The following ASTN2 variants were observed in gnomAD, a reference collection of about 807,000 sequenced individuals.
ASTN2 encodes the protein astrotactin-2.
A neutral mutation model predicts 139.8 loss-of-function variants in ASTN2; 54 were observed. The observed-to-expected ratio is 0.39, with a 90% CI of 0.31 to 0.48. The LOEUF (loss-of-function observed/expected upper bound fraction) is 0.48. ASTN2 is among the 20% of genes least tolerant of loss of function. The pLI is 0.95. For synonymous variants in ASTN2, 756 were observed against 719.5 expected, an observed-to-expected ratio of 1.05 and a Z score of -0.81; for missense variants, 1,565 against 1,725.1, an observed-to-expected ratio of 0.91 and a Z score of 1.64.
Position 116,450,246 on chromosome 9 carries a change from A to G in ASTN2, c.3498-7693T>C, listed in dbSNP as rs150136964. ...ATGGCTGCTTTCACACTACAATGGCAGAATCACGTAATTGTGACAGAAATC... is the reference window on the plus strand; with the variant it reads ...ATGGCTGCTTTCACACTACAATGGCGGAATCACGTAATTGTGACAGAAATC... On this transcript the variant is annotated intron_variant, in intron 20 of 22. Coordinates refer to ENST00000313400, the MANE Select transcript of ASTN2 (RefSeq NM_001365068.1). 1.9e-4 allele frequency among the ~76,000 whole-genome samples: 29 copies of G among 152,330 alleles called. 1 individual carries two copies. The East Asian group carries it at 5.6e-3, about 29-fold the overall frequency.
chr9:116,629,502 A>G (rs1856631368), intron 17 of ASTN2, among the ~76,000 whole-genome samples: 1 of 152,192 alleles, frequency 6.6e-6, no homozygotes, highest in Admixed American at 6.5e-5. Flanking sequence ...AGTAGGGCAG[A>G]GGGTCTATTT....
intron 19 of ASTN2, among the ~76,000 whole-genome samples, chr9:116,543,370 T>C (rs1036242313): frequency 6.6e-6 from 1 of 150,904 alleles, no homozygotes; most frequent in Non-Finnish European, 1.5e-5. Flanking sequence ...CTAGGGAGGC[T>C]GAGGCTGCAA....
intron 1 of ASTN2, among the ~76,000 whole-genome samples, chr9:117,365,496 CA>C (rs529352867): frequency 1.5e-4 from 23 of 152,060 alleles, no homozygotes; most frequent in Admixed American, 1.4e-3. Context: ...ATGGGGCAGA[CA>C]ATATCTGAAA....
chr9:116,578,414 A>C (rs1314359604), intron 19 of ASTN2, among the ~76,000 whole-genome samples: 1 of 152,138 alleles, frequency 6.6e-6, no homozygotes, highest in East Asian at 1.9e-4. Flanking sequence ...AACAATGTGA[A>C]TATCTACCAC....
intron 2 of ASTN2, among the ~76,000 whole-genome samples, chr9:117,279,130 T>C (rs570036072): frequency 6.6e-6 from 1 of 152,334 alleles, no homozygotes; most frequent in Admixed American, 6.5e-5. Context: ...GCTGCCTTCT[T>C]CCATGGTCCA....
chr9:117,048,420 T>C (rs1838806911), intron 5 of ASTN2, among the ~76,000 whole-genome samples: 3 of 152,222 alleles, frequency 2.0e-5, no homozygotes, highest in African/African-American at 7.2e-5. Flanking sequence ...CAAATGATTA[T>C]TGACAAAGCC....
intron 20 of ASTN2, among the ~76,000 whole-genome samples, chr9:116,468,377 G>C (rs983753795): frequency 6.6e-6 from 1 of 152,134 alleles, no homozygotes. Context: ...AAAGTTTCCT[G>C]GTTGTCACCA....
Position 116,860,665 on chromosome 9 carries a change from CAGA to C in ASTN2, c.2040+2915_2040+2917del, listed in dbSNP as rs1325996625. 3.9e-5 allele frequency among the ~76,000 whole-genome samples: 6 copies of C among 152,168 alleles called. No individual in the cohort carries two copies. The South Asian group carries it at 8.3e-4, about 21-fold the overall frequency. ...GGAAAGCAAGCCAAAGTGGCCCTGG[CAGA>C]AGGACTGATAGTGAGACATGGTCTT... On this transcript the variant is annotated intron_variant, in intron 11 of 22. Transcript: ENST00000313400.
chr9:116,665,271 A>G (rs1858794335), intron 16 of ASTN2, among the ~76,000 whole-genome samples: 1 of 152,186 alleles, frequency 6.6e-6, no homozygotes, highest in East Asian at 1.9e-4. Context: ...TGGTATTGCT[A>G]TTTTGAAATA....
chr9:116,470,408 T>C (rs1424138532), intron 20 of ASTN2, among the ~76,000 whole-genome samples: 3 of 152,120 alleles, frequency 2.0e-5, no homozygotes, highest in Non-Finnish European at 4.4e-5. Context: ...AGTTAGACTC[T>C]AGAGACAAAC....
chr9:117,230,743 C>T (rs1335405), intron 2 of ASTN2, among the ~76,000 whole-genome samples: 17,130 of 152,082 alleles, frequency 0.11, 1,411 homozygotes, highest in African/African-American at 0.22. Flanking sequence ...TTTCTCATTC[C>T]TCAGTGGCTA....
chr9:116,609,963 T>C (rs1254252572), intron 19 of ASTN2, among the ~76,000 whole-genome samples: 2 of 152,098 alleles, frequency 1.3e-5, no homozygotes, highest in Non-Finnish European at 2.9e-5. Flanking sequence ...AAAAAAGAGT[T>C]ATTGCTAATA....
chr9:116,563,181 C>T (rs1747606472), intron 19 of ASTN2, among the ~76,000 whole-genome samples: 3 of 152,074 alleles, frequency 2.0e-5, no homozygotes, highest in South Asian at 2.1e-4. Context: ...AGAGACCATC[C>T]TGGCTAACAC....
chr9:116,742,558 G>T (rs943405191), intron 13 of ASTN2, among the ~76,000 whole-genome samples: 2 of 152,052 alleles, frequency 1.3e-5, no homozygotes, highest in Non-Finnish European at 2.9e-5. Flanking sequence ...GTGAGCAGGG[G>T]TGATAGGGTT....
intron 1 of ASTN2, among the ~76,000 whole-genome samples, chr9:117,325,759 G>A (rs896871474): frequency 6.6e-6 from 1 of 152,174 alleles, no homozygotes; most frequent in African/African-American, 2.4e-5. Flanking sequence ...TAGAGATGGA[G>A]AGGCTGGAAA....
chr9:117,074,468 C>G (rs1423180362), intron 5 of ASTN2, among the ~76,000 whole-genome samples: 1 of 152,144 alleles, frequency 6.6e-6, no homozygotes, highest in Non-Finnish European at 1.5e-5. Context: ...ACATGATACT[C>G]TAGGCTGATG....
intron 2 of ASTN2, among the ~76,000 whole-genome samples, chr9:117,249,697 T>TG (rs1028904606): frequency 2.6e-5 from 4 of 151,428 alleles, no homozygotes; most frequent in African/African-American, 4.8e-5. Context: ...CATTGTCTTT[T>TG]TTTTTTTTAA....
At chr9:117,043,534 A>T (rs898755258) in intron 5 of ASTN2, among the ~76,000 whole-genome samples, 1 of 152,174 alleles carries the variant, frequency 6.6e-6, no homozygotes, top group Admixed American at 6.5e-5. Context: ...AGAATGGCTC[A>T]TACTCTCTCC....
chr9:117,379,742 A>C (rs1217916378), intron 1 of ASTN2, among the ~76,000 whole-genome samples: 1 of 152,192 alleles, frequency 6.6e-6, no homozygotes, highest in Non-Finnish European at 1.5e-5. Context: ...GAGAAAATTC[A>C]AAAGAAGATA....
Sources: gnomAD v4.1 joint callset for allele counts (sites outside exome capture counted in the v4.1 genomes callset) on GRCh38, gnomAD v4.1.1 for gene constraint, MANE v1.5 for transcripts, NCBI Gene and HGNC (gene_info 2026-07-23, HGNC 2026-07-21) for gene names.